The following GPHN variants were observed in gnomAD, a reference collection of about 807,000 sequenced individuals.
GPHN encodes the protein gephyrin.
In GPHN, 17 loss-of-function variants were observed where a neutral mutation model predicts 95.5. That is an observed-to-expected ratio of 0.18 (90% CI 0.12 to 0.27). The LOEUF (loss-of-function observed/expected upper bound fraction) is 0.27. Ranked by LOEUF, GPHN falls within the 10% of genes least tolerant of loss-of-function variation. The pLI is 1.00. For synonymous variants in GPHN, 320 were observed against 322.5 expected (o/e 0.99, Z 0.08); for missense variants, 660 against 978.1 (o/e 0.67, Z 4.34).
intron 1 of GPHN, among the ~76,000 whole-genome samples, chr14:66,637,866 A>G (rs1294282021): frequency 6.6e-6 from 1 of 152,148 alleles, no homozygotes; most frequent in Non-Finnish European, 1.5e-5. Context: ...GTACAACACC[A>G]AGGTCCATTG....
At chr14:67,314,446 A>G in the GPHN span, among the ~76,000 whole-genome samples, 3 of 152,192 alleles carry the variant, frequency 2.0e-5, no homozygotes, top group Admixed American at 6.5e-5. Context: ...TTTTGTCTAT[A>G]TCAGTCATAT....
chr14:67,646,793 A>G, the GPHN span: 1 of 1,501,476 alleles, frequency 6.7e-7, no homozygotes, highest in Non-Finnish European at 9.3e-7. Context: ...ATTATGTTCT[A>G]TTTGAAAGGC....
Position 66,974,445 on chromosome 14 carries a change from C to G in GPHN, c.963+9120C>G, listed in dbSNP as rs531263498. The stretch of plus-strand genomic sequence containing the variant: ...CATCTATTTCTAATTATTTAATGGT[C>G]ACAGAGCTATGTTTATTACTGAAGC... On this transcript the variant is annotated intron_variant, in intron 9 of 22. Transcript: ENST00000478722. 2.6e-5 allele frequency among the ~76,000 whole-genome samples: 4 copies of G among 151,938 alleles called. No homozygotes were observed. The East Asian group carries it at 7.8e-4, about 29-fold the overall frequency.
chr14:67,177,194 T>A (rs1464664255), intron 21 of GPHN, among the ~76,000 whole-genome samples: 2 of 152,236 alleles, frequency 1.3e-5, no homozygotes, highest in Non-Finnish European at 2.9e-5. Context: ...AGATCTTTCC[T>A]GCTTTTTCTT....
In GPHN at chr14:67,089,069, G is replaced by C; in HGVS notation, c.1231G>C (p.Val411Leu). 6.6e-7 allele frequency: 1 copy of C among 1,507,222 alleles called. No individual in the cohort carries two copies. The highest frequency in any genetic ancestry group is 9.2e-7 in the Non-Finnish European group (1 of 1,087,594). The allele number at this position is 1,507,222 out of a possible 1,614,324, so 93.4% of individuals were successfully genotyped here. ...AGCATCAGTAAAAGATGGCTATGCT[G>C]TCCGAGGTAAATATTTTGGTTTTCT... ...FPASVKDGYAVRAADGPGDRF... is the reference protein window; with the variant it reads ...FPASVKDGYALRAADGPGDRF... Residue 411 changes from valine (V) to leucine (L), a missense_variant, in exon 12 of 23, where the codon GTC becomes CTC. Physicochemically the swap from Val to Leu is conservative, Grantham distance 32. Transcript: ENST00000478722.
intron 2 of GPHN, among the ~76,000 whole-genome samples, chr14:66,724,070 A>G (rs1326664620): frequency 6.6e-6 from 1 of 151,892 alleles, no homozygotes; most frequent in Non-Finnish European, 1.5e-5. Context: ...AATTTCTGCA[A>G]TGAGTCAATA....
chr14:67,019,881 C>T (rs1235795335), intron 9 of GPHN, among the ~76,000 whole-genome samples: 4 of 152,160 alleles, frequency 2.6e-5, no homozygotes, highest in Non-Finnish European at 4.4e-5. Context: ...AAGGGAAGAA[C>T]ACCTCTCAAA....
Position 66,508,402 on chromosome 14 carries a change from C to A in GPHN, c.-126C>A. 1.2e-6 allele frequency: 1 copy of A among 868,490 alleles called. No individual in the cohort carries two copies. The highest frequency in any genetic ancestry group is 2.0e-6 in the Non-Finnish European group (1 of 506,654). The allele number at this position is 868,490 out of a possible 1,614,324, so 53.8% of individuals were successfully genotyped here. On this transcript the variant is annotated 5_prime_UTR_variant, in exon 1 of 23. Coordinates refer to ENST00000478722, the MANE Select transcript of GPHN (RefSeq NM_020806.5). ...ACTCTGTGGCCTCCCCCTCCTTCCC[C>A]GCTCTCCTCGCGCTTCTCTGGCTCC...
intron 2 of GPHN, 36 bp from the exon 3 acceptor site, chr14:66,776,428 G>A: frequency 8.3e-7 from 1 of 1,208,278 alleles, no homozygotes; most frequent in Non-Finnish European, 1.2e-6. Flanking sequence ...AAACACTATT[G>A]CTGGTTTTGA....
the GPHN span, among the ~76,000 whole-genome samples, chr14:67,390,181 C>T: frequency 2.0e-5 from 3 of 152,038 alleles, no homozygotes; most frequent in African/African-American, 7.3e-5. Flanking sequence ...TTTAATTTGC[C>T]ATCAAAGTTT....
At chr14:67,555,050 C>A in the GPHN span, among the ~76,000 whole-genome samples, 5 of 152,048 alleles carry the variant, frequency 3.3e-5, no homozygotes, top group African/African-American at 1.2e-4. Context: ...GTAGCTGGGA[C>A]TACAGGCGCA....
In GPHN at chr14:67,167,740, T is replaced by C. The variant is rs144264620; in HGVS notation, c.1976-1193T>C. 2.9e-3 allele frequency among the ~76,000 whole-genome samples: 436 copies of C among 152,324 alleles called. 10 individuals carry two copies. Among genetic ancestry groups the C allele is most frequent in the East Asian group, 0.017 (90 of 5,184 alleles). Reference sequence around the variant, plus strand: ...AACTGTATAAAAGTATTAAAACAACTGAAATTTTAGAACCAGAAGAGATCT... The same window carrying C: ...AACTGTATAAAAGTATTAAAACAACCGAAATTTTAGAACCAGAAGAGATCT... On this transcript the variant is annotated intron_variant, in intron 20 of 22. Coordinates refer to ENST00000478722, the MANE Select transcript of GPHN (RefSeq NM_020806.5).
In GPHN at chr14:66,922,762, G is replaced by A. The variant is rs914811333; in HGVS notation, c.553G>A (p.Asp185Asn). 3 of 1,613,812 alleles carry A rather than the reference G, an allele frequency of 1.9e-6. No individual in the cohort carries two copies. Among genetic ancestry groups the A allele is most frequent in the Non-Finnish European group, 2.5e-6 (3 of 1,179,726 alleles). The change falls in exon 7 of 23, where the codon GAT (aspartate) becomes AAT (asparagine). Residue 185 changes from aspartate (D) to asparagine (N), a missense_variant. This residue lies in a region of GPHN where 190 missense variants were observed against 224.7 expected (regional missense o/e 0.85). Transcript: ENST00000478722. ...AAAGGAGGTGCATGATGAACTTGAA[G>A]ATTTGCCTTCCCCACCTCCCCCTCT... is the stretch of plus-strand genomic sequence containing the variant. ...KVKEVHDELE[D>N]LPSPPPPLSP...
chr14:67,171,748 C>T (rs943228559), intron 21 of GPHN, among the ~76,000 whole-genome samples: 1 of 152,040 alleles, frequency 6.6e-6, no homozygotes, highest in Non-Finnish European at 1.5e-5. Flanking sequence ...CGTGGAGTAA[C>T]AGAAACCCTG....
chr14:66,818,638 G>A (rs181075540), intron 3 of GPHN, among the ~76,000 whole-genome samples: 55 of 152,114 alleles, frequency 3.6e-4, no homozygotes, highest in Non-Finnish European at 7.2e-4. Flanking sequence ...TTTCTGGGTC[G>A]AATGGTATTT....
intron 3 of GPHN, among the ~76,000 whole-genome samples, chr14:66,776,979 T>A (rs2059404235): frequency 6.6e-6 from 1 of 152,020 alleles, no homozygotes; most frequent in African/African-American, 2.4e-5. Flanking sequence ...GCTGGTGCAT[T>A]GCACCCACTA....
At position 66,801,628 on chromosome 14, in the gene GPHN, C is replaced by T. The variant is rs78084146; in HGVS notation, c.202-22846C>T. ...CTCTCTCTCCTCCCCTCCCCCCGCT[C>T]TCTCCCCCCTCTCTCTCCTTGAGCT... is the stretch of plus-strand genomic sequence containing the variant. On this transcript the variant is annotated intron_variant, in intron 3 of 22. Transcript: ENST00000478722. 2.1e-3 allele frequency among the ~76,000 whole-genome samples: 263 copies of T among 128,218 alleles called. 9 individuals carry two copies. In the East Asian group the frequency reaches 0.068, roughly 33 times the overall value. 84.1% of individuals were successfully genotyped at this position (128,218 alleles called of 152,430 possible). A position where few individuals can be genotyped will look rare whatever the true frequency, so the allele number is the denominator to read the frequency against.
chr14:66,686,097 G>T (rs1172882304), intron 2 of GPHN, among the ~76,000 whole-genome samples: 2 of 152,112 alleles, frequency 1.3e-5, no homozygotes, highest in African/African-American at 2.4e-5. Flanking sequence ...TTCTGTTCCA[G>T]TGGTCTATAT....
intron 2 of GPHN, among the ~76,000 whole-genome samples, chr14:66,719,031 A>G (rs1172286765): frequency 6.6e-6 from 1 of 152,142 alleles, no homozygotes; most frequent in East Asian, 1.9e-4. Context: ...CACGCAATCC[A>G]CAGGGGTGGT....
Sources: gnomAD v4.1 joint callset for allele counts (sites outside exome capture counted in the v4.1 genomes callset) on GRCh38, gnomAD v4.1.1 for gene constraint, gnomAD v4.1.1 regional missense constraint, MANE v1.5 for transcripts, NCBI Gene and HGNC (gene_info 2026-07-23, HGNC 2026-07-21) for gene names.